Variants in PCDH12 observed in about 807,000 individuals in gnomAD.
The protein encoded by PCDH12 is protocadherin-12.
Under a neutral mutation model 70.9 loss-of-function variants are expected in PCDH12, and 45 were observed. The observed-to-expected ratio is 0.63, with a 90% CI of 0.50 to 0.81. The LOEUF is 0.81. Ranked by LOEUF, PCDH12 falls within the 40% of genes least tolerant of loss-of-function variation. PCDH12 has a pLI of 0.00. For missense variants in PCDH12, 1,370 were observed against 1,491.7 expected, an observed-to-expected ratio of 0.92 and a Z score of 1.34; for synonymous variants, 567 against 626.0, an observed-to-expected ratio of 0.91 and a Z score of 1.41.
chr5:141,943,597 C>T lies in PCDH12; in HGVS notation c.*1784G>A, dbSNP rs971837998. 6.6e-6 allele frequency: 1 copy of T among 152,198 alleles called. No homozygotes were observed. Among genetic ancestry groups the T allele is most frequent in the Non-Finnish European group, 1.5e-5 (1 of 68,032 alleles). The allele number at this position is 152,198 out of a possible 1,614,324, so 9.4% of individuals were successfully genotyped here. On this transcript the variant is annotated 3_prime_UTR_variant, in exon 4 of 4. Transcript: ENST00000231484. ...GCTCCAATATGGATAAAAGGGGCCT[C>T]TGAAGCATTTATTGACACATTTATT...
rs149764925 is a variant in PCDH12, at chr5:141,955,836, C to A, written c.2016G>T (p.Glu672Asp). ...NASSLIGSEW[E>D]LEIVVEDQGS... Reference sequence around the variant, plus strand: ...CCTGGTCCTCTACTACTATCTCCAGCTCCCACTCACTCCCAATGAGGCTGC... The same window carrying A: ...CCTGGTCCTCTACTACTATCTCCAGATCCCACTCACTCCCAATGAGGCTGC... Residue 672 changes from glutamate to aspartate, a missense_variant, in exon 1 of 4, where the codon GAG becomes GAT. Glu to Asp is a conservative substitution (Grantham distance 45, BLOSUM62 2). Transcript: ENST00000231484. This position sits in a 1 kb window ranked among gnomAD's most constrained non-coding sequence, Gnocchi z 5.5. 6.2e-7 allele frequency: 1 copy of A among 1,614,096 alleles called. No homozygotes were observed. Among genetic ancestry groups the A allele is most frequent in the Non-Finnish European group, 8.5e-7 (1 of 1,179,994 alleles).
chr5:141,945,367 C>T lies in PCDH12; in HGVS notation c.*14G>A, dbSNP rs202208954. On this transcript the variant is annotated 3_prime_UTR_variant, in exon 4 of 4. Coordinates refer to ENST00000231484, the MANE Select transcript of PCDH12 (RefSeq NM_016580.4). ...GGCCCCTGGTTCTTGGATCCAGAGGCGTCTGAGGTATGTTCACAGGCACCT... is the reference window on the plus strand; with the variant it reads ...GGCCCCTGGTTCTTGGATCCAGAGGTGTCTGAGGTATGTTCACAGGCACCT... 111 of 1,580,522 alleles carry T rather than the reference C, an allele frequency of 7.0e-5. No individual in the cohort carries two copies. Among genetic ancestry groups the T allele is most frequent in the East Asian group, 3.6e-4 (16 of 44,612 alleles).
chr5:141,956,219 G>T lies in PCDH12; in HGVS notation c.1633C>A (p.Leu545Ile). The change falls in exon 1 of 4, where the codon CTT becomes ATT. Residue 545 changes from leucine to isoleucine, a missense_variant. Leu to Ile is a conservative substitution (Grantham distance 5). Transcript: ENST00000231484. The stretch of plus-strand genomic sequence containing the variant: ...ACCCACACAGAGACACTGGATGCAA[G>T]CATGGGTTGCCCGCTGTCCTCTGCG... ...VIAEDSGQPM[L>I]ASSVSVWVSL... 1 of 1,614,220 alleles carries T rather than the reference G, an allele frequency of 6.2e-7. No homozygotes were observed. The highest frequency in any genetic ancestry group is 2.2e-5 in the East Asian group (1 of 44,888).
intron 3 of PCDH12, among the ~76,000 whole-genome samples, chr5:141,947,912 G>A (rs867749339): frequency 5.9e-5 from 9 of 152,286 alleles, no homozygotes; most frequent in East Asian, 3.9e-4. Context: ...AAGCAGGACC[G>A]TGTGGGAACT....
chr5:141,945,146 A>G lies in PCDH12; in HGVS notation c.*235T>C. The G allele has an allele frequency of 3.6e-6, 2 of 562,858 alleles. No homozygotes were observed. The highest frequency in any genetic ancestry group is 4.8e-4 in the Middle Eastern group (1 of 2,098). The allele number at this position is 562,858 out of a possible 1,614,324, so 34.9% of individuals were successfully genotyped here. A position where few individuals can be genotyped will look rare whatever the true frequency, so the allele number is the denominator to read the frequency against. Reference sequence around the variant, plus strand: ...ACATATGTTTTGCCAGGAAACACTTATCTCAGCCACAAACCGTCCCTGTCC... The same window carrying G: ...ACATATGTTTTGCCAGGAAACACTTGTCTCAGCCACAAACCGTCCCTGTCC... On this transcript the variant is annotated 3_prime_UTR_variant, in exon 4 of 4. Transcript: ENST00000231484.
In PCDH12 at chr5:141,957,556, C is replaced by T. The variant is rs151047883; in HGVS notation, c.296G>A (p.Arg99Gln). ...GGAAACCAGGCAGGGATCCCACTGT[C>T]GGCACAGCTGCTCTCGATCCAGCCG... ...GRRLDREQLCRQWDPCLVSFD... is the reference protein window; with the variant it reads ...GRRLDREQLCQQWDPCLVSFD... Residue 99 changes from arginine (R) to glutamine (Q), a missense_variant, in exon 1 of 4, where the codon CGA (arginine) becomes CAA (glutamine). By Grantham distance (43) the Arg-to-Gln change is conservative (BLOSUM62 1). Coordinates refer to ENST00000231484, the MANE Select transcript of PCDH12 (RefSeq NM_016580.4). The surrounding 1 kb of genome is among the most constrained non-coding windows in gnomAD (Gnocchi z 4.3). 124 of 1,614,200 alleles carry T rather than the reference C, an allele frequency of 7.7e-5. 1 individual carries two copies. The South Asian group carries it at 8.5e-4, about 11-fold the overall frequency.
chr5:141,954,832 C>T, intron 1 of PCDH12, 140 bp downstream of exon 1: 1 of 1,144,580 alleles, frequency 8.7e-7, no homozygotes, highest in Non-Finnish European at 1.2e-6. Context: ...GTGCCCTGAA[C>T]CATTGCTACC....
chr5:141,951,750 A>G (rs1753087716), intron 1 of PCDH12, among the ~76,000 whole-genome samples, 160 bp from the exon 2 acceptor site: 1 of 152,198 alleles, frequency 6.6e-6, no homozygotes, highest in African/African-American at 2.4e-5. Context: ...TGACAGAGAC[A>G]GGGACCTGGG....
chr5:141,948,233 G>C (rs914911390), intron 3 of PCDH12, among the ~76,000 whole-genome samples: 1 of 152,132 alleles, frequency 6.6e-6, no homozygotes, highest in African/African-American at 2.4e-5. Context: ...TGGGGATAAT[G>C]AATAGCCCCT....
rs1285224627 is a variant in PCDH12 at position 141,951,487 on chromosome 5, G to A, written c.2978+6C>T. Reference sequence around the variant, plus strand: ...GAGATGCCTGTGGGGGCTACGTGCTGCTTACCTGCTGCCTCCTGGCTTGGC... The same window carrying A: ...GAGATGCCTGTGGGGGCTACGTGCTACTTACCTGCTGCCTCCTGGCTTGGC... On this transcript the variant is annotated splice_donor_region_variant and intron_variant, in intron 2 of 3. Transcript: ENST00000231484. 1.2e-6 allele frequency: 2 copies of A among 1,612,518 alleles called. No homozygotes were observed.
At position 141,949,532 on chromosome 5, in the gene PCDH12, T is replaced by G. The variant is rs1446507611; in HGVS notation, c.3030A>C (p.Thr1010=). 1.2e-6 allele frequency: 2 copies of G among 1,614,140 alleles called. No individual in the cohort carries two copies. Among genetic ancestry groups the G allele is most frequent in the Non-Finnish European group, 1.7e-6 (2 of 1,180,048 alleles). The stretch of plus-strand genomic sequence containing the variant: ...AAGGCCCTTCCTCCTGTTCTGGGTC[T>G]GTCTGGCCTCCAGCCCTTGCACTTG... ...DGPSARAGGQ[T]DPEQEEGPLD... is the part of the protein sequence containing the mutation. The change falls in exon 3 of 4, where the codon ACA becomes ACC. Residue 1010 remains threonine, a synonymous_variant. Transcript: ENST00000231484.
rs374336198 is a variant in PCDH12 at position 141,955,388 on chromosome 5, G to A, written c.2464C>T (p.Leu822=). 1.2e-6 allele frequency: 2 copies of A among 1,613,898 alleles called. No homozygotes were observed. Among genetic ancestry groups the A allele is most frequent in the Non-Finnish European group, 1.7e-6 (2 of 1,180,030 alleles). ...CCTTGATTACGCAGCGTCCTGTACAGGGTCGGGGTGAGGTGGAAGGGGGCC... is the reference window on the plus strand; with the variant it reads ...CCTTGATTACGCAGCGTCCTGTACAAGGTCGGGGTGAGGTGGAAGGGGGCC... ...LQAPFHLTPT[L]YRTLRNQGNQ... is the part of the protein sequence containing the mutation. The change falls in exon 1 of 4, where the codon CTG becomes TTG. Residue 822 remains leucine, a synonymous_variant. Transcript: ENST00000231484. The surrounding 1 kb of genome is among the most constrained non-coding windows in gnomAD (Gnocchi z 5.5).
Position 141,957,922 on chromosome 5 carries a change from T to G in PCDH12, c.-71A>C. The G allele has an allele frequency of 6.6e-7, 1 of 1,524,606 alleles. No individual in the cohort carries two copies. The highest frequency in any genetic ancestry group is 8.8e-7 in the Non-Finnish European group (1 of 1,137,282). The allele number at this position is 1,524,606 out of a possible 1,614,324, so 94.4% of individuals were successfully genotyped here. The stretch of plus-strand genomic sequence containing the variant: ...CAAGGCTGGACAAGTCCTCCAGTGT[T>G]TCCTGGATGGCTTGATCAGCCCCGT... On this transcript the variant is annotated 5_prime_UTR_variant, in exon 1 of 4. Coordinates refer to ENST00000231484, the MANE Select transcript of PCDH12 (RefSeq NM_016580.4). This position sits in a 1 kb window ranked among gnomAD's most constrained non-coding sequence, Gnocchi z 4.3.
chr5:141,951,471 G>A, intron 2 of PCDH12, 22 bp downstream of exon 2: 2 of 1,593,782 alleles, frequency 1.3e-6, no homozygotes, highest in Non-Finnish European at 1.7e-6. Flanking sequence ...TGAGATGCCT[G>A]TGGGGGCTAC....
intron 3 of PCDH12, 134 bp downstream of exon 3, chr5:141,949,298 A>T (rs965430335): frequency 6.7e-7 from 1 of 1,487,752 alleles, no homozygotes; most frequent in African/African-American, 1.4e-5. Flanking sequence ...CAAGGGTGCA[A>T]GGGAAGTTAA....
chr5:141,953,288 A>G (rs899013604), intron 1 of PCDH12: 2 of 152,226 alleles, frequency 1.3e-5, no homozygotes, highest in Non-Finnish European at 2.9e-5. Flanking sequence ...CTCAACAGTA[A>G]AAAAAGTGCA....
intron 2 of PCDH12, among the ~76,000 whole-genome samples, chr5:141,950,407 G>T (rs1041590182): frequency 6.6e-6 from 1 of 152,142 alleles, no homozygotes; most frequent in African/African-American, 2.4e-5. Flanking sequence ...CAAGTGTGTG[G>T]GTGATAATGA....
chr5:141,945,560 T>C lies in PCDH12; in HGVS notation c.3376A>G (p.Ser1126Gly). Residue 1126 changes from serine (S) to glycine (G), a missense_variant, in exon 4 of 4, where the codon AGC becomes GGC. Transcript: ENST00000231484. ...LLEMLLEQRS[S>G]MPVEAASEAL... ...TCGGAGGCGGCCTCCACGGGCATGC[T>C]GGAGCGCTGTTCCAGCAGCATCTCC... The C allele has an allele frequency of 6.2e-7, 1 of 1,613,974 alleles. No individual in the cohort carries two copies. The highest frequency in any genetic ancestry group is 8.5e-7 in the Non-Finnish European group (1 of 1,180,008).
rs1753200626 is a variant in PCDH12, at chr5:141,957,260, C to T, written c.592G>A (p.Val198Met). ...PDETKHAELI[V>M]VKELDREIHS... ...ATTTCCCTGTCCAGCTCCTTCACCA[C>T]TATGAGTTCTGCATGTTTGGTCTCA... Residue 198 changes from valine to methionine, a missense_variant, in exon 1 of 4, where the codon GTG (valine) becomes ATG (methionine). Transcript: ENST00000231484. The surrounding 1 kb of genome is among the most constrained non-coding windows in gnomAD (Gnocchi z 4.3). 4 of 1,614,074 alleles carry T rather than the reference C, an allele frequency of 2.5e-6. No individual in the cohort carries two copies. The highest frequency in any genetic ancestry group is 1.7e-5 in the Admixed American group (1 of 60,010).
Sources: gnomAD v4.1 joint callset for allele counts (sites outside exome capture counted in the v4.1 genomes callset) on GRCh38, gnomAD v4.1.1 for gene constraint, Gnocchi (gnomAD v3.1) non-coding constraint, MANE v1.5 for transcripts, NCBI Gene and HGNC (gene_info 2026-07-23, HGNC 2026-07-21) for gene names.